Variants in KATNIP observed in about 807,000 individuals in gnomAD.
The protein encoded by KATNIP is katanin-interacting protein.
In KATNIP, 126 loss-of-function variants were observed where a neutral mutation model predicts 174.0. That is an observed-to-expected ratio of 0.72 (90% CI 0.63 to 0.84). KATNIP has a LOEUF of 0.84. Among genes scored for constraint, KATNIP ranks in the 40% least tolerant of loss-of-function variants. The probability of loss-of-function intolerance (pLI) is 0.00; values close to 1 mark genes in which losing one functional copy is unlikely to be tolerated. For synonymous variants in KATNIP, 810 were observed against 835.7 expected, an observed-to-expected ratio of 0.97 and a Z score of 0.53; for missense variants, 1,958 against 2,109.7, an observed-to-expected ratio of 0.93 and a Z score of 1.41.
rs2076938611 is a variant in KATNIP, at chr16:27,645,708, T to C, written c.409-2896T>C. On this transcript the variant is annotated intron_variant, in intron 5 of 27. Coordinates refer to ENST00000261588, the MANE Select transcript of KATNIP (RefSeq NM_015202.5). ...TTCTTCCTCATTCTCACAAGATGAC[T>C]GCTGTGTTCCCAAACATCCCATCCA... Among the ~76,000 whole-genome samples the C allele has an allele frequency of 7.2e-5, 11 of 152,218 alleles. 1 individual carries two copies.
At position 27,688,923 on chromosome 16, in the gene KATNIP, T is replaced by G. The variant is rs76549014; in HGVS notation, c.940+7393T>G. Among the ~76,000 whole-genome samples, 918 of 152,218 alleles carry G rather than the reference T, an allele frequency of 6.0e-3. 7 individuals are homozygous for G. Among genetic ancestry groups the G allele is most frequent in the Middle Eastern group, 0.014 (4 of 294 alleles). On this transcript the variant is annotated intron_variant, in intron 8 of 27. Transcript: ENST00000261588. ...CCTCCATGGTCAGGGAGAGGTAGTC[T>G]GGCATGGCCCAGGCTGAGCCAGAAG...
intron 6 of KATNIP, among the ~76,000 whole-genome samples, chr16:27,677,061 CT>C (rs2078143846): frequency 6.6e-6 from 1 of 152,066 alleles, no homozygotes; most frequent in African/African-American, 2.4e-5. Context: ...CCTGGTCACT[CT>C]AAATATAGAT....
chr16:27,665,118 C>T (rs540837103), intron 6 of KATNIP, among the ~76,000 whole-genome samples: 131 of 150,200 alleles, frequency 8.7e-4, no homozygotes, highest in African/African-American at 3.0e-3. Flanking sequence ...CTCTGTTCTC[C>T]GGAGGTTGTT....
intron 13 of KATNIP, among the ~76,000 whole-genome samples, chr16:27,718,997 G>T (rs948799235): frequency 6.6e-6 from 1 of 152,168 alleles, no homozygotes; most frequent in Admixed American, 6.5e-5. Context: ...TAGCAGGCAC[G>T]TTCCTGGTGA....
intron 1 of KATNIP, 51 bp downstream of exon 1, chr16:27,550,228 C>T: frequency 6.3e-7 from 1 of 1,586,190 alleles, no homozygotes; most frequent in Non-Finnish European, 8.6e-7. Flanking sequence ...TCTCCCATCC[C>T]TCCCGACCGC....
chr16:27,642,937 C>T (rs1410797190), intron 5 of KATNIP, among the ~76,000 whole-genome samples: 3 of 152,082 alleles, frequency 2.0e-5, no homozygotes, highest in Non-Finnish European at 4.4e-5. Context: ...CTTCAACACG[C>T]CTGCTGGGGG....
chr16:27,615,036 C>T lies in KATNIP; in HGVS notation c.64-3389C>T, dbSNP rs531126593. ...CACTGACCTTCCACAATTGAGGGCA[C>T]AGGGTGAAGGCTAGCTAGAGAAGGC... On this transcript the variant is annotated intron_variant, in intron 2 of 27. Coordinates refer to ENST00000261588, the MANE Select transcript of KATNIP (RefSeq NM_015202.5). Among the ~76,000 whole-genome samples, 4 of 152,270 alleles carry T rather than the reference C, an allele frequency of 2.6e-5. No homozygotes were observed. In the South Asian group the frequency reaches 8.3e-4, roughly 32 times the overall value.
At chr16:27,649,319 C>T (rs2077054187) in intron 6 of KATNIP, among the ~76,000 whole-genome samples, 1 of 152,220 alleles carries the variant, frequency 6.6e-6, no homozygotes, top group Non-Finnish European at 1.5e-5. Context: ...ACATTTTACT[C>T]CCCATCCTCA....
At chr16:27,695,026 T>A (rs1357501748) in intron 8 of KATNIP, among the ~76,000 whole-genome samples, 1 of 152,172 alleles carries the variant, frequency 6.6e-6, no homozygotes, top group East Asian at 1.9e-4. Context: ...CCATCACTCG[T>A]GGAGTCACCT....
At chr16:27,668,706 G>A (rs985897170) in intron 6 of KATNIP, among the ~76,000 whole-genome samples, 4 of 152,174 alleles carry the variant, frequency 2.6e-5, no homozygotes, top group African/African-American at 9.7e-5. Context: ...GTGTTAGGAG[G>A]TTGAAATGAA....
intron 5 of KATNIP, 34 bp from the exon 6 acceptor site, chr16:27,648,570 C>T (rs1444971830): frequency 4.3e-6 from 7 of 1,612,826 alleles, no homozygotes; most frequent in African/African-American, 2.7e-5. Flanking sequence ...GACCTCATTC[C>T]ACCTTATCTG....
chr16:27,648,098 A>C (rs1050485465), intron 5 of KATNIP, among the ~76,000 whole-genome samples: 3 of 152,092 alleles, frequency 2.0e-5, no homozygotes, highest in Non-Finnish European at 4.4e-5. Flanking sequence ...AGTTGAAGAC[A>C]AGCCTGGCCA....
chr16:27,629,808 G>A (rs894941131), intron 4 of KATNIP, among the ~76,000 whole-genome samples: 2 of 152,180 alleles, frequency 1.3e-5, no homozygotes, highest in African/African-American at 4.8e-5. Context: ...GAGCTCAGGA[G>A]TTAGAGGCCA....
At chr16:27,688,741 T>C (rs549834489) in intron 8 of KATNIP, among the ~76,000 whole-genome samples, 1 of 152,372 alleles carries the variant, frequency 6.6e-6, no homozygotes, top group South Asian at 2.1e-4. Context: ...TTGAGACCCA[T>C]GTCTCTAGTT....
At chr16:27,704,122 G>GCCCCCCC (rs535809357) in intron 12 of KATNIP, 124 bp downstream of exon 12, 5 of 662,456 alleles carry the variant, frequency 7.5e-6, no homozygotes, top group African/African-American at 3.7e-5. Flanking sequence ...TGTTTCCACC[G>GCCCCCCC]CCCCCCCCCT....
intron 2 of KATNIP, among the ~76,000 whole-genome samples, chr16:27,579,403 T>C (rs1353421088): frequency 6.6e-6 from 1 of 152,214 alleles, no homozygotes; most frequent in African/African-American, 2.4e-5. Flanking sequence ...TAATGTCCAC[T>C]TTGGAGAGGG....
At chr16:27,662,295 C>T (rs2077554696) in intron 6 of KATNIP, among the ~76,000 whole-genome samples, 1 of 151,676 alleles carries the variant, frequency 6.6e-6, no homozygotes, top group East Asian at 1.9e-4. Flanking sequence ...GGCCTTTAGA[C>T]TACCAACTTG....
intron 14 of KATNIP, among the ~76,000 whole-genome samples, chr16:27,724,691 C>G (rs1282426619): frequency 6.6e-6 from 1 of 152,282 alleles, no homozygotes; most frequent in East Asian, 1.9e-4. Context: ...AGCAGAAAAG[C>G]GCAAACAAAT....
chr16:27,763,814 T>C (rs918552127), intron 19 of KATNIP, among the ~76,000 whole-genome samples: 3 of 152,198 alleles, frequency 2.0e-5, no homozygotes, highest in Admixed American at 1.3e-4. Context: ...CTTTCCCCTT[T>C]TTCCATTTTT....
Sources: allele counts gnomAD v4.1 joint callset (sites outside exome capture counted in the v4.1 genomes callset), GRCh38; gene constraint gnomAD v4.1.1; transcripts MANE v1.5; gene names NCBI Gene and HGNC (gene_info 2026-07-23, HGNC 2026-07-21).